Variants in TAPBPL observed in about 807,000 individuals in gnomAD.
TAPBPL encodes the protein tapasin-related protein.
In TAPBPL, 32 loss-of-function variants were observed where a neutral mutation model predicts 44.8. The ratio of observed to expected loss-of-function variants is 0.71; its 90% CI spans 0.54 to 0.96. The LOEUF is 0.96. Ranked by LOEUF, TAPBPL falls within the 40% of genes least tolerant of loss-of-function variation. TAPBPL has a pLI of 0.00. For missense variants in TAPBPL, 520 were observed against 586.6 expected, an observed-to-expected ratio of 0.89 and a Z score of 1.17; for synonymous variants, 230 against 240.7, an observed-to-expected ratio of 0.96 and a Z score of 0.41.
downstream of TAPBPL, chr12:6,462,847 G>C (rs746408132): frequency 1.1e-5 from 18 of 1,606,496 alleles, no homozygotes; most frequent in Non-Finnish European, 1.4e-5. Context: ...CCCGCCCTTG[G>C]GCAGGACGAA....
chr12:6,464,179 G>A, downstream of TAPBPL: 1 of 1,453,920 alleles, frequency 6.9e-7, no homozygotes, highest in Non-Finnish European at 9.1e-7. Flanking sequence ...CCCTTCCCTT[G>A]GCCTCCAACT....
intron 3 of TAPBPL, 72 bp from the exon 4 acceptor site, chr12:6,457,334 C>A (rs1949726346): frequency 6.8e-7 from 1 of 1,471,430 alleles, no homozygotes; most frequent in South Asian, 1.3e-5. Flanking sequence ...CCACAACATG[C>A]CCACAGCTTG....
At chr12:6,458,558 T>G in intron 4 of TAPBPL, 87 bp from the exon 5 acceptor site, 1 of 1,499,976 alleles carries the variant, frequency 6.7e-7, no homozygotes, top group Non-Finnish European at 9.0e-7. Context: ...CAATCTACTC[T>G]CATCTTGGCA....
At chr12:6,461,244 C>A in intron 6 of TAPBPL, 3 of 1,217,126 alleles carry the variant, frequency 2.5e-6, no homozygotes, top group Non-Finnish European at 3.1e-6. Flanking sequence ...GGCACCAGCT[C>A]ATGGGGCACT....
downstream of TAPBPL, among the ~76,000 whole-genome samples, chr12:6,469,417 A>T (rs546220860): frequency 6.6e-6 from 1 of 152,312 alleles, no homozygotes; most frequent in East Asian, 1.9e-4. Context: ...CCCCTCCCCA[A>T]AATGAAAACA....
Position 6,460,487 on chromosome 12 carries a change from G to A in TAPBPL, c.1208-368G>A, listed in dbSNP as rs183383799. Among the ~76,000 whole-genome samples, 43 of 151,586 alleles carry A rather than the reference G, an allele frequency of 2.8e-4. 1 individual carries two copies. The highest frequency in any genetic ancestry group is 2.1e-3 in the Admixed American group (32 of 15,254). The stretch of plus-strand genomic sequence containing the variant: ...TCACCATGTTGCCCAGGCTGGTCTC[G>A]AACTCCTGACCTCAGGTGATCCACC... On this transcript the variant is annotated intron_variant, in intron 5 of 6. Coordinates refer to ENST00000266556, the MANE Select transcript of TAPBPL (RefSeq NM_018009.5).
downstream of TAPBPL, chr12:6,465,377 T>C (rs960718104): frequency 3.4e-5 from 3 of 86,960 alleles, no homozygotes; most frequent in African/African-American, 1.3e-4. Flanking sequence ...TATATAAATG[T>C]ATATATATGT....
At chr12:6,466,447 C>T (rs1190884379), downstream of TAPBPL, 2 of 1,413,018 alleles carry the variant, frequency 1.4e-6, no homozygotes. Flanking sequence ...ACTCAAGAGG[C>T]TGAAGTGGGA....
chr12:6,464,608 A>G, downstream of TAPBPL: 1 of 1,457,950 alleles, frequency 6.9e-7, no homozygotes, highest in South Asian at 1.5e-5. Flanking sequence ...CCCCATCCCC[A>G]TGGTCTCCCT....
downstream of TAPBPL, chr12:6,464,515 C>A (rs145237172): frequency 1.9e-5 from 28 of 1,484,142 alleles, no homozygotes; most frequent in Non-Finnish European, 2.3e-5. Context: ...AAGTCCCAGA[C>A]GGAAAAGAGA....
chr12:6,452,061 C>T lies in TAPBPL; in HGVS notation c.-188C>T, dbSNP rs1187777053. 9.0e-5 allele frequency: 60 copies of T among 668,350 alleles called. 1 individual carries two copies. The East Asian group carries it at 1.5e-3, about 17-fold the overall frequency. The allele number at this position is 668,350 out of a possible 1,614,324, so 41.4% of individuals were successfully genotyped here. ...TGCTGCAGACGGCTTCACACAGGGA[C>T]GCGGGCTGCCATCTTGCTCTAAGTG... On this transcript the variant is annotated 5_prime_UTR_variant, in exon 1 of 7. In the 5' UTR this introduces an upstream ATG that the reference lacks. Transcript: ENST00000266556.
At chr12:6,465,113 G>T, downstream of TAPBPL, 1 of 853,292 alleles carries the variant, frequency 1.2e-6, no homozygotes, top group Non-Finnish European at 1.8e-6. Context: ...GCTTCCCAGG[G>T]GATCATAACC....
At chr12:6,465,049 A>G, downstream of TAPBPL, 1 of 1,534,002 alleles carries the variant, frequency 6.5e-7, no homozygotes, top group East Asian at 2.3e-5. Context: ...CAATGGAAAA[A>G]ACCACCCATC....
chr12:6,471,495 A>G (rs1945771159), downstream of TAPBPL, among the ~76,000 whole-genome samples: 1 of 152,156 alleles, frequency 6.6e-6, no homozygotes. The surrounding 1 kb of genome is among the most constrained non-coding windows in gnomAD (Gnocchi z 4.0). Context: ...GGACTCCATC[A>G]GTTGGAAAAT....
At chr12:6,464,727 T>C (rs1949960250), downstream of TAPBPL, 48 of 1,513,480 alleles carry the variant, frequency 3.2e-5, 2 homozygotes, top group South Asian at 5.8e-4. Flanking sequence ...AGAAATCCCT[T>C]GTCTCTGCCC....
chr12:6,463,119 G>A, downstream of TAPBPL: 1 of 1,497,478 alleles, frequency 6.7e-7, no homozygotes, highest in East Asian at 2.5e-5. The surrounding 1 kb of genome is among the most constrained non-coding windows in gnomAD (Gnocchi z 4.0). Flanking sequence ...AGGCTGAGCA[G>A]ATCCCATCCT....
chr12:6,462,791 G>C (rs1431222822), downstream of TAPBPL: 3 of 1,581,430 alleles, frequency 1.9e-6, no homozygotes, highest in South Asian at 2.3e-5. Context: ...GACCTTCGAG[G>C]GGGGCCGTTG....
At chr12:6,470,162 C>T (rs1945733362), downstream of TAPBPL, among the ~76,000 whole-genome samples, 2 of 152,182 alleles carry the variant, frequency 1.3e-5, no homozygotes, top group African/African-American at 4.8e-5. Flanking sequence ...GTGATTTAGC[C>T]AGATGACAGA....
At chr12:6,464,359 C>G, downstream of TAPBPL, 1 of 1,551,560 alleles carries the variant, frequency 6.4e-7, no homozygotes, top group Non-Finnish European at 8.7e-7. Context: ...GATGGAGAAG[C>G]CTGGGCTGGA....
Sources: allele counts gnomAD v4.1 joint callset (sites outside exome capture counted in the v4.1 genomes callset), GRCh38; gene constraint gnomAD v4.1.1; non-coding constraint Gnocchi (gnomAD v3.1); transcripts MANE v1.5; gene names NCBI Gene and HGNC (gene_info 2026-07-23, HGNC 2026-07-21).